CHIC2: variants seen among roughly 807,000 people sequenced by gnomAD.
CHIC2 encodes the protein cysteine-rich hydrophobic domain-containing protein 2.
In CHIC2, 14 loss-of-function variants were observed where a neutral mutation model predicts 25.9. The ratio of observed to expected loss-of-function variants is 0.54; its 90% confidence interval spans 0.36 to 0.85. The LOEUF is 0.85. CHIC2 is among the 40% of genes least tolerant of loss of function. The pLI, the probability that CHIC2 is intolerant of heterozygous loss-of-function variation, is 0.01. For missense variants in CHIC2, 146 were observed against 202.0 expected, an observed-to-expected ratio of 0.72 and a Z score of 1.68; for synonymous variants, 70 against 72.0, an observed-to-expected ratio of 0.97 and a Z score of 0.14.
intron 1 of CHIC2, among the ~76,000 whole-genome samples, chr4:54,053,004 TAAAC>T (rs1369396535): frequency 1.3e-5 from 2 of 152,200 alleles, no homozygotes; most frequent in Admixed American, 6.5e-5. Flanking sequence ...AACAGAATAT[TAAAC>T]AACCATTAAA....
intron 1 of CHIC2, among the ~76,000 whole-genome samples, chr4:54,056,865 C>G (rs993635057): frequency 6.6e-6 from 1 of 152,144 alleles, no homozygotes; most frequent in Non-Finnish European, 1.5e-5. Flanking sequence ...ACATACTACA[C>G]ACCTTACAGC....
the CHIC2 span, among the ~76,000 whole-genome samples, chr4:54,083,229 G>T: frequency 6.6e-6 from 1 of 151,238 alleles, no homozygotes; most frequent in Non-Finnish European, 1.5e-5. Context: ...TGGTCAGGCT[G>T]GTCTCGAACT....
rs371602605 is a variant in CHIC2 at position 54,017,491 on chromosome 4, C to G, written c.331-3372G>C. Reference sequence around the variant, plus strand: ...TTAGCTGAAAGAACAGGGGAAGGGGCAGTGCAGGCTTTAGTGTAAGCTTCC... The same window carrying G: ...TTAGCTGAAAGAACAGGGGAAGGGGGAGTGCAGGCTTTAGTGTAAGCTTCC... On this transcript the variant is annotated intron_variant, in intron 3 of 5. Coordinates refer to ENST00000263921, the MANE Select transcript of CHIC2 (RefSeq NM_012110.4). Among the ~76,000 whole-genome samples, 10 of 152,244 alleles carry G rather than the reference C, an allele frequency of 6.6e-5. No homozygotes were observed. In the East Asian group the frequency reaches 1.7e-3, roughly 26 times the overall value.
In CHIC2 at chr4:54,036,866, CA is replaced by C. The variant is rs879547622; in HGVS notation, c.330+12088del. Among the ~76,000 whole-genome samples, 1,241 of 136,684 alleles carry C rather than the reference CA, an allele frequency of 9.1e-3. 10 individuals carry two copies. Among genetic ancestry groups the C allele is most frequent in the African/African-American group, 0.02 (754 of 37,400 alleles). The allele number at this position is 136,684 out of a possible 152,430, so 89.7% of individuals were successfully genotyped here. ...GGCATTCCACTCAGGAATTTTTACT[CA>C]AAAAAAAAAAAAGTGTATGTCCCCA... On this transcript the variant is annotated intron_variant, in intron 3 of 5. Transcript: ENST00000263921.
intron 3 of CHIC2, among the ~76,000 whole-genome samples, chr4:54,015,878 T>C (rs1425607726): frequency 1.3e-5 from 2 of 152,224 alleles, no homozygotes; most frequent in Non-Finnish European, 2.9e-5. Context: ...TATGAAGTTG[T>C]AGCCTTGACA....
rs776717900 is a variant in CHIC2 at position 54,064,289 on chromosome 4, G to A, written c.12C>T (p.Phe4=). The change falls in exon 1 of 6, where the codon TTC becomes TTT. Residue 4 remains phenylalanine, a synonymous_variant. Coordinates refer to ENST00000263921, the MANE Select transcript of CHIC2 (RefSeq NM_012110.4). The surrounding 1 kb of genome is among the most constrained non-coding windows in gnomAD (Gnocchi z 4.2). MAD[F]DEIYEEEEDE... ...CCTCCTCTTCCTCATAGATTTCGTC[G>A]AAATCCGCCATCCTGAGCCTCCGAG... The A allele has an allele frequency of 9.9e-6, 16 of 1,613,070 alleles. No homozygotes were observed. Among genetic ancestry groups the A allele is most frequent in the African/African-American group, 1.3e-5 (1 of 74,896 alleles).
intron 3 of CHIC2, among the ~76,000 whole-genome samples, chr4:54,047,030 C>CA (rs1294361902): frequency 2.5e-4 from 38 of 152,070 alleles, no homozygotes; most frequent in Admixed American, 1.9e-3. Flanking sequence ...TTTATGCAGC[C>CA]AAAAAACACA....
At chr4:54,056,913 A>C (rs1717194343) in intron 1 of CHIC2, among the ~76,000 whole-genome samples, 1 of 152,110 alleles carries the variant, frequency 6.6e-6, no homozygotes, top group African/African-American at 2.4e-5. Context: ...CCACTTCAAA[A>C]TCTATGATCT....
intron 5 of CHIC2, among the ~76,000 whole-genome samples, chr4:54,010,798 G>A (rs927978778): frequency 1.3e-5 from 2 of 151,986 alleles, no homozygotes; most frequent in Admixed American, 6.6e-5. Context: ...AAGTTCTAGA[G>A]TTGCTCTCAT....
chr4:54,034,872 G>A (rs1411015201), intron 3 of CHIC2, among the ~76,000 whole-genome samples: 1 of 152,150 alleles, frequency 6.6e-6, no homozygotes, highest in Non-Finnish European at 1.5e-5. Flanking sequence ...TAATTGTAGG[G>A]TTTTTGTAGA....
chr4:54,028,558 C>T (rs1203517518), intron 3 of CHIC2, among the ~76,000 whole-genome samples: 1 of 152,188 alleles, frequency 6.6e-6, no homozygotes, highest in Non-Finnish European at 1.5e-5. Context: ...AAGGACTCAA[C>T]TTTCTGATGT....
intron 5 of CHIC2, among the ~76,000 whole-genome samples, chr4:54,012,308 G>A (rs1471428563): frequency 6.6e-6 from 1 of 151,886 alleles, no homozygotes; most frequent in Non-Finnish European, 1.5e-5. Flanking sequence ...CTTCTATGAT[G>A]GAGTGAAAAT....
intron 3 of CHIC2, among the ~76,000 whole-genome samples, chr4:54,018,751 G>A (rs1715813748): frequency 6.6e-6 from 1 of 151,954 alleles, no homozygotes; most frequent in Non-Finnish European, 1.5e-5. Context: ...CTAATAAAAT[G>A]TACAGAATAC....
chr4:54,064,555 A>AC lies in CHIC2; in HGVS notation c.-256dup, dbSNP rs1685394832. 2 of 1,311,076 alleles carry AC rather than the reference A, an allele frequency of 1.5e-6. No individual in the cohort carries two copies. The highest frequency in any genetic ancestry group is 3.1e-5 in the African/African-American group (2 of 64,054). 81.2% of individuals were successfully genotyped at this position (1,311,076 alleles called of 1,614,324 possible). ...CATCCGCCCAGAGGCCGACACCTCC[A>AC]CAAGCACAGACGCCGCTGCCGCCGC... is the stretch of plus-strand genomic sequence containing the variant. On this transcript the variant is annotated 5_prime_UTR_variant, in exon 1 of 6. Transcript: ENST00000263921. This position sits in a 1 kb window ranked among gnomAD's most constrained non-coding sequence, Gnocchi z 4.2.
the CHIC2 span, among the ~76,000 whole-genome samples, chr4:54,088,162 T>C: frequency 3.9e-5 from 6 of 152,152 alleles, no homozygotes; most frequent in South Asian, 2.1e-4. Flanking sequence ...ATTTGATATA[T>C]ATACCCAAAA....
chr4:54,047,190 C>T (rs1398343776), intron 3 of CHIC2, among the ~76,000 whole-genome samples: 1 of 152,200 alleles, frequency 6.6e-6, no homozygotes, highest in Admixed American at 6.5e-5. Context: ...AACACTTTTA[C>T]ACTGTTGGTG....
intron 3 of CHIC2, among the ~76,000 whole-genome samples, chr4:54,033,755 T>A (rs1215677590): frequency 1.3e-5 from 2 of 152,186 alleles, no homozygotes; most frequent in African/African-American, 4.8e-5. Flanking sequence ...ACCAATTACA[T>A]CTCTTTAAAA....
chr4:54,089,359 G>C, the CHIC2 span, among the ~76,000 whole-genome samples: 1 of 149,900 alleles, frequency 6.7e-6, no homozygotes, highest in Non-Finnish European at 1.5e-5. Flanking sequence ...GGAGTTCAAG[G>C]CTACAGTGAG....
chr4:54,040,616 A>C (rs1378754763), intron 3 of CHIC2, among the ~76,000 whole-genome samples: 1 of 149,700 alleles, frequency 6.7e-6, no homozygotes, highest in African/African-American at 2.5e-5. Flanking sequence ...CAAGAGAATC[A>C]CTTGAACCGG....
Sources: allele counts gnomAD v4.1 joint callset (sites outside exome capture counted in the v4.1 genomes callset), GRCh38; gene constraint gnomAD v4.1.1; non-coding constraint Gnocchi (gnomAD v3.1); transcripts MANE v1.5; gene names NCBI Gene and HGNC (gene_info 2026-07-23, HGNC 2026-07-21).